DNAL1: variants seen among roughly 807,000 people sequenced by gnomAD.
The protein encoded by DNAL1 is chromosome 14 open reading frame 168.
DNAL1 carries 17 observed loss-of-function variants against 29.4 expected under a neutral mutation model. That is an observed-to-expected ratio of 0.58 (90% confidence interval 0.40 to 0.87). The LOEUF is 0.87. Ranked by LOEUF, DNAL1 falls within the 40% of genes least tolerant of loss-of-function variation. The pLI, the probability that DNAL1 is intolerant of heterozygous loss-of-function variation, is 0.00. For synonymous variants in DNAL1, 78 were observed against 76.3 expected, an observed-to-expected ratio of 1.02 and a Z score of -0.12; for missense variants, 188 against 214.1, an observed-to-expected ratio of 0.88 and a Z score of 0.76.
intron 1 of DNAL1, among the ~76,000 whole-genome samples, chr14:73,652,751 A>G (rs1891137811): frequency 6.6e-6 from 1 of 152,048 alleles, no homozygotes; most frequent in African/African-American, 2.4e-5. Flanking sequence ...TACTTTGCCA[A>G]ATGTGTGAAC....
intron 3 of DNAL1, 120 bp downstream of exon 3, chr14:73,659,076 T>G: frequency 1.5e-6 from 1 of 686,832 alleles, no homozygotes; most frequent in Non-Finnish European, 2.3e-6. Context: ...GTTTGCTTAG[T>G]GTAATTCTCT....
At chr14:73,650,144 T>C (rs1338776961) in intron 1 of DNAL1, among the ~76,000 whole-genome samples, 1 of 152,012 alleles carries the variant, frequency 6.6e-6, no homozygotes, top group African/African-American at 2.4e-5. Flanking sequence ...CCACCTTGCC[T>C]GGCTAATTTT....
intron 1 of DNAL1, among the ~76,000 whole-genome samples, chr14:73,647,869 C>T (rs547654142): frequency 2.0e-5 from 3 of 152,312 alleles, no homozygotes; most frequent in Non-Finnish European, 4.4e-5. Flanking sequence ...GGGATTGTAC[C>T]GTCATAGGGT....
chr14:73,668,452 TTA>T (rs1891539592), intron 4 of DNAL1, among the ~76,000 whole-genome samples: 1 of 152,156 alleles, frequency 6.6e-6, no homozygotes, highest in Non-Finnish European at 1.5e-5. Flanking sequence ...TAAAGAATAA[TTA>T]TGTGATTTTC....
intron 5 of DNAL1, among the ~76,000 whole-genome samples, chr14:73,678,694 A>G (rs911742192): frequency 1.3e-5 from 2 of 152,054 alleles, no homozygotes; most frequent in African/African-American, 4.8e-5. Flanking sequence ...TCATACATGG[A>G]CAAAGATGGT....
At chr14:73,684,838 A>G (rs1167429781) in intron 5 of DNAL1, among the ~76,000 whole-genome samples, 2 of 152,218 alleles carry the variant, frequency 1.3e-5, no homozygotes, top group Non-Finnish European at 2.9e-5. Context: ...TCAAGGCTGC[A>G]GTGACCTGAT....
chr14:73,683,380 C>T (rs1891937825), intron 5 of DNAL1, among the ~76,000 whole-genome samples: 1 of 152,134 alleles, frequency 6.6e-6, no homozygotes, highest in Non-Finnish European at 1.5e-5. Flanking sequence ...CCTTGTGCTA[C>T]CACATTATGA....
chr14:73,699,722 A>G lies in DNAL1; in HGVS notation c.*3780A>G, dbSNP rs1398969999. 6.6e-6 allele frequency: 1 copy of G among 152,096 alleles called. No individual in the cohort carries two copies. The highest frequency in any genetic ancestry group is 1.5e-5 in the Non-Finnish European group (1 of 68,028). 9.4% of individuals were successfully genotyped at this position (152,096 alleles called of 1,614,324 possible). Reference sequence around the variant, plus strand: ...TCTAAGCATTCTTGCTTATCTTAGGACAGTGATTATTAACCTACCTCTCTG... The same window carrying G: ...TCTAAGCATTCTTGCTTATCTTAGGGCAGTGATTATTAACCTACCTCTCTG... On this transcript the variant is annotated 3_prime_UTR_variant, in exon 8 of 8. Transcript: ENST00000553645.
At chr14:73,693,456 A>G (rs1015585609) in intron 7 of DNAL1, among the ~76,000 whole-genome samples, 1 of 152,236 alleles carries the variant, frequency 6.6e-6, no homozygotes, top group Admixed American at 6.5e-5. Flanking sequence ...TAGATAAAAT[A>G]TGGCATAGTC....
intron 5 of DNAL1, among the ~76,000 whole-genome samples, chr14:73,672,665 A>G (rs1891644154): frequency 6.6e-6 from 1 of 151,742 alleles, no homozygotes; most frequent in South Asian, 2.1e-4. Flanking sequence ...TAAATAAAGG[A>G]AGTTTCCTAA....
intron 1 of DNAL1, among the ~76,000 whole-genome samples, chr14:73,652,066 C>A (rs1891124524): frequency 6.6e-6 from 1 of 151,952 alleles, no homozygotes; most frequent in Non-Finnish European, 1.5e-5. Flanking sequence ...GAGACAAGAT[C>A]TTGCTTTGTC....
intron 7 of DNAL1, among the ~76,000 whole-genome samples, chr14:73,693,210 C>T (rs1389201990): frequency 1.3e-5 from 2 of 152,162 alleles, no homozygotes; most frequent in Non-Finnish European, 2.9e-5. Context: ...TGAAGCAACT[C>T]TTATACCCTG....
rs548039654 is a variant in DNAL1, at chr14:73,681,210, T to C, written c.265-6049T>C. On this transcript the variant is annotated intron_variant, in intron 5 of 7. Coordinates refer to ENST00000553645, the MANE Select transcript of DNAL1 (RefSeq NM_031427.4). Reference sequence around the variant, plus strand: ...GTGCAGTGGCACCCTGTCGGCTCACTGCAACCTCCGTCTCCTGGGTTCAAG... The same window carrying C: ...GTGCAGTGGCACCCTGTCGGCTCACCGCAACCTCCGTCTCCTGGGTTCAAG... Among the ~76,000 whole-genome samples, 9 of 151,604 alleles carry C rather than the reference T, an allele frequency of 5.9e-5. No individual in the cohort carries two copies. The East Asian group carries it at 9.8e-4, about 17-fold the overall frequency.
intron 4 of DNAL1, among the ~76,000 whole-genome samples, chr14:73,663,863 T>A (rs947748154): frequency 6.6e-6 from 1 of 152,222 alleles, no homozygotes; most frequent in Non-Finnish European, 1.5e-5. Context: ...TCCTCTCACC[T>A]CTGTAGCTGT....
At chr14:73,676,148 C>A (rs566067581) in intron 5 of DNAL1, among the ~76,000 whole-genome samples, 84 of 151,490 alleles carry the variant, frequency 5.5e-4, no homozygotes, top group Non-Finnish European at 7.5e-4. Context: ...GCACAAGAAT[C>A]ACTTGAACCT....
At chr14:73,652,930 A>G (rs1302022415) in intron 1 of DNAL1, among the ~76,000 whole-genome samples, 2 of 152,152 alleles carry the variant, frequency 1.3e-5, no homozygotes, top group Non-Finnish European at 2.9e-5. Context: ...CTTTCTAGAC[A>G]TAATGGTATA....
intron 4 of DNAL1, among the ~76,000 whole-genome samples, chr14:73,664,278 T>C (rs971871607): frequency 6.6e-6 from 1 of 152,218 alleles, no homozygotes; most frequent in African/African-American, 2.4e-5. Flanking sequence ...AGCCTCCTAA[T>C]TGATCTCCTT....
At chr14:73,681,457 G>C (rs1891872744) in intron 5 of DNAL1, among the ~76,000 whole-genome samples, 1 of 150,702 alleles carries the variant, frequency 6.6e-6, no homozygotes, top group South Asian at 2.1e-4. Context: ...ACTGTACACA[G>C]GCTACACTTA....
In DNAL1 at chr14:73,650,198, C is replaced by T. The variant is rs567918760; in HGVS notation, c.4-4649C>T. On this transcript the variant is annotated intron_variant, in intron 1 of 7. Coordinates refer to ENST00000553645, the MANE Select transcript of DNAL1 (RefSeq NM_031427.4). The stretch of plus-strand genomic sequence containing the variant: ...AGAGATGGGGTGTCACTATATTGTC[C>T]AGGCTAGTTTCAACTCTTGGCCTCA... Among the ~76,000 whole-genome samples, 25 of 152,194 alleles carry T rather than the reference C, an allele frequency of 1.6e-4. No homozygotes were observed. In the South Asian group the frequency reaches 4.8e-3, roughly 29 times the overall value.
Sources: gnomAD v4.1 joint callset for allele counts (sites outside exome capture counted in the v4.1 genomes callset) on GRCh38, gnomAD v4.1.1 for gene constraint, MANE v1.5 for transcripts, NCBI Gene and HGNC (gene_info 2026-07-23, HGNC 2026-07-21) for gene names.